PER1: variants seen among roughly 807,000 people sequenced by gnomAD.
The protein encoded by PER1 is period circadian regulator 1.
A neutral mutation model predicts 125.9 loss-of-function variants in PER1; 87 were observed. The ratio of observed to expected loss-of-function variants is 0.69; its 90% CI spans 0.58 to 0.83. The LOEUF (loss-of-function observed/expected upper bound fraction) is 0.83. PER1 is among the 40% of genes least tolerant of loss of function. The pLI is 0.00. For missense variants in PER1, 1,775 were observed against 1,722.8 expected, an observed-to-expected ratio of 1.03 and a Z score of -0.54; for synonymous variants, 801 against 714.7, an observed-to-expected ratio of 1.12 and a Z score of -1.93.
In PER1 at chr17:8,149,577, C is replaced by T. The variant is rs2304910; in HGVS notation, c.738G>A (p.Arg246=). 1.2e-6 allele frequency: 2 copies of T among 1,613,752 alleles called. No individual in the cohort carries two copies. The highest frequency in any genetic ancestry group is 1.7e-6 in the Non-Finnish European group (2 of 1,179,880). The change falls in exon 6 of 23, where the codon CGG becomes CGA. Residue 246 remains arginine (R), a synonymous_variant. Coordinates refer to ENST00000317276, the MANE Select transcript of PER1 (RefSeq NM_002616.3). ...AGAAGCGGGTACCCCGGAACACGTC[C>T]CGCTTGCAACGCAGCAGGACGGCTG... is the stretch of plus-strand genomic sequence containing the variant. ...EQAAVLLRCK[R]DVFRGTRFSE...
chr17:8,147,733 G>C lies in PER1; in HGVS notation c.1329C>G (p.Gly443=). Residue 443 remains glycine (G), a synonymous_variant, in exon 11 of 23, where the codon GGC becomes GGG. Transcript: ENST00000317276. ...CCTTGCGGCTCCAGGGGTGCACAAAGCCAGCCCAGCTGGTGTCCATGGTGA... is the reference window on the plus strand; with the variant it reads ...CCTTGCGGCTCCAGGGGTGCACAAACCCAGCCCAGCTGGTGTCCATGGTGA... ...EYVTMDTSWA[G]FVHPWSRKVA... 1 of 1,614,098 alleles carries C rather than the reference G, an allele frequency of 6.2e-7. No homozygotes were observed. Among genetic ancestry groups the C allele is most frequent in the Non-Finnish European group, 8.5e-7 (1 of 1,180,016 alleles).
Position 8,147,524 on chromosome 17 carries a change from G to A in PER1, c.1443C>T (p.Ser481=). 1 of 1,613,922 alleles carries A rather than the reference G, an allele frequency of 6.2e-7. No individual in the cohort carries two copies. Among genetic ancestry groups the A allele is most frequent in the Non-Finnish European group, 8.5e-7 (1 of 1,179,922 alleles). Residue 481 remains serine (S), a synonymous_variant, in exon 12 of 23, where the codon TCC becomes TCT. Coordinates refer to ENST00000317276, the MANE Select transcript of PER1 (RefSeq NM_002616.3). ...FTPPAPSPAP[S]LDTDIQELSE... ...ACAGCTCCTGGATATCAGTGTCCAG[G>A]GAGGGAGCTGGGCTGGGGGCCGGGG...
rs774378582 is a variant in PER1 at position 8,141,109 on chromosome 17, A to C, written c.3832T>G (p.Ser1278Ala). ...MEEEEEGRSS[S>A]SPALPTAGNC... ...CCTGCTGTAGGTAAGGCTGGACTGG[A>C]TGAGCTCCTGCCTTCTTCCTCCTCC... Residue 1278 changes from serine (S) to alanine (A), a missense_variant, in exon 23 of 23, where the codon TCC becomes GCC. Ser to Ala is a moderately conservative substitution (Grantham distance 99). Coordinates refer to ENST00000317276, the MANE Select transcript of PER1 (RefSeq NM_002616.3). 6.2e-7 allele frequency: 1 copy of C among 1,614,134 alleles called. No individual in the cohort carries two copies. The highest frequency in any genetic ancestry group is 8.5e-7 in the Non-Finnish European group (1 of 1,180,000).
chr17:8,141,987 TG>T, intron 21 of PER1, 32 bp from the exon 22 acceptor site: 1 of 1,612,376 alleles, frequency 6.2e-7, no homozygotes, highest in Non-Finnish European at 8.5e-7. Context: ...AGGCAGAGGC[TG>T]GGATCCAGGA....
At chr17:8,146,309 GA>G (rs2151860529) in intron 16 of PER1, 62 bp downstream of exon 16, 1 of 1,549,238 alleles carries the variant, frequency 6.5e-7, no homozygotes, top group Non-Finnish European at 8.7e-7. Context: ...AAGCAGAAGG[GA>G]AAAGACACAG....
chr17:8,145,135 T>G, intron 17 of PER1, 142 bp from the exon 18 acceptor site: 1 of 882,482 alleles, frequency 1.1e-6, no homozygotes, highest in African/African-American at 1.7e-5. Context: ...GTACGTTTCT[T>G]GGTCACCTCT....
Position 8,150,200 on chromosome 17 carries a change from C to G in PER1, c.374+19G>C, listed in dbSNP as rs1480639803. The G allele has an allele frequency of 1.3e-6, 2 of 1,593,342 alleles. No individual in the cohort carries two copies. Among genetic ancestry groups the G allele is most frequent in the African/African-American group, 2.7e-5 (2 of 74,680 alleles). ...TGGCCTGGGCCCCCAGACCTCTCCT[C>G]CAGCCTCACCCGACGTACCTGCAGC... On this transcript the variant is annotated intron_variant, in intron 3 of 22. Transcript: ENST00000317276.
At position 8,150,457 on chromosome 17, in the gene PER1, G is replaced by T; in HGVS notation, c.250C>A (p.Leu84Met). The change falls in exon 2 of 23, where the codon CTG becomes ATG. Residue 84 changes from leucine to methionine, a missense_variant. By Grantham distance (15) the Leu-to-Met change is conservative. Coordinates refer to ENST00000317276, the MANE Select transcript of PER1 (RefSeq NM_002616.3). The part of the protein sequence containing the change: ...SSGNGKDSAL[L>M]ETTESSKSTN... ...CTCTTGCTGCTCTCAGTGGTCTCCA[G>T]CAGGGCTGAGTCCTTGCCGTTGCCT... 1.2e-6 allele frequency: 2 copies of T among 1,613,262 alleles called. No homozygotes were observed. Among genetic ancestry groups the T allele is most frequent in the Non-Finnish European group, 1.7e-6 (2 of 1,179,556 alleles).
rs933927933 is a variant in PER1 at position 8,142,728 on chromosome 17, C to G, written c.3180G>C (p.Ser1060=). Residue 1060 remains serine, a synonymous_variant, in exon 20 of 23, where the codon TCG becomes TCC. Coordinates refer to ENST00000317276, the MANE Select transcript of PER1 (RefSeq NM_002616.3). ...AGCCCAAGCCAGAGCCCAAGGAGCC[C>G]GAGGCTGCGGAGCCTGTGCCGGAGC... ...DSRSGTGSAA[S]GSLGSGLGSG... 1.2e-6 allele frequency: 2 copies of G among 1,613,924 alleles called. No individual in the cohort carries two copies. The highest frequency in any genetic ancestry group is 1.1e-5 in the South Asian group (1 of 91,080).
In PER1 at chr17:8,146,813, G is replaced by GA. The variant is rs780164361; in HGVS notation, c.1736-49dup. 104 of 1,604,588 alleles carry GA rather than the reference G, an allele frequency of 6.5e-5. No homozygotes were observed. The Middle Eastern group carries it at 6.6e-4, about 10-fold the overall frequency. ...AAAATAGCCTTCTCAAGCTCACATG[G>GA]AAAAAAACAGCAAATGGGTTGGGGG... On this transcript the variant is annotated intron_variant, in intron 14 of 22. Transcript: ENST00000317276.
chr17:8,141,884 G>A lies in PER1; in HGVS notation c.3521C>T (p.Ser1174Phe), dbSNP rs1278277424. The change falls in exon 22 of 23, where the codon TCT (serine) becomes TTT (phenylalanine). Residue 1174 changes from serine (S) to phenylalanine (F), a missense_variant. Transcript: ENST00000317276. ...RAMQKQQPRF[S>F]EDQRRELGAV... ...ACCCAGTTCCCGCCGCTGGTCCTCA[G>A]AAAACCGAGGCTGCTGCTTCTGCAT... 1.2e-6 allele frequency: 2 copies of A among 1,614,182 alleles called. No individual in the cohort carries two copies. Among genetic ancestry groups the A allele is most frequent in the Non-Finnish European group, 8.5e-7 (1 of 1,180,044 alleles).
At chr17:8,151,086 A>G (rs1381327536) in intron 1 of PER1, among the ~76,000 whole-genome samples, 2 of 152,188 alleles carry the variant, frequency 1.3e-5, no homozygotes, top group Non-Finnish European at 1.5e-5. Flanking sequence ...CTGAGCAGTC[A>G]ATGAGAACCA....
rs775223905 is a variant in PER1, at chr17:8,150,492, C to T, written c.215G>A (p.Ser72Asn). Residue 72 changes from serine to asparagine, a missense_variant, in exon 2 of 23, where the codon AGC (serine) becomes AAC (asparagine). Coordinates refer to ENST00000317276, the MANE Select transcript of PER1 (RefSeq NM_002616.3). ...SRGASQRSSH[S>N]SSSGNGKDSA... is the part of the protein sequence containing the mutation. ...GTCCTTGCCGTTGCCTGAGGAGGAG[C>T]TGTGTGAGCTCCGCTGAGATGCGCC... 61 of 1,614,144 alleles carry T rather than the reference C, an allele frequency of 3.8e-5. No homozygotes were observed. Among genetic ancestry groups the T allele is most frequent in the Non-Finnish European group, 5.1e-5 (60 of 1,180,014 alleles).
At chr17:8,151,154 T>A (rs1467104153) in intron 1 of PER1, among the ~76,000 whole-genome samples, 1 of 152,214 alleles carries the variant, frequency 6.6e-6, no homozygotes, top group Non-Finnish European at 1.5e-5. Context: ...AGGTGTCCAC[T>A]CTGCCTGGGC....
Position 8,148,709 on chromosome 17 carries a change from G to A in PER1, c.983C>T (p.Ser328Leu), listed in dbSNP as rs1336375883. The A allele has an allele frequency of 2.5e-6, 4 of 1,613,722 alleles. No individual in the cohort carries two copies. The highest frequency in any genetic ancestry group is 1.7e-6 in the Non-Finnish European group (2 of 1,179,906). ...LTPYVTKIRV[S>L]DGAPAQPCCL... ...GCACGGCTGTGCAGGGGCCCCATCT[G>A]AGACCCGGATCTTGGTCACATACGG... Residue 328 changes from serine (S) to leucine (L), a missense_variant, in exon 8 of 23, where the codon TCA (serine) becomes TTA (leucine). Physicochemically the swap from Ser to Leu is moderately radical, Grantham distance 145. Coordinates refer to ENST00000317276, the MANE Select transcript of PER1 (RefSeq NM_002616.3).
chr17:8,145,470 C>T (rs967453071), intron 17 of PER1, among the ~76,000 whole-genome samples: 3 of 151,894 alleles, frequency 2.0e-5, no homozygotes, highest in African/African-American at 4.8e-5. Context: ...ACTACAGGCG[C>T]GCGCCACCAC....
At position 8,146,879 on chromosome 17, in the gene PER1, ACAT is replaced by A. The variant is rs889985961; in HGVS notation, c.1735+15_1735+17del. 51 of 1,611,870 alleles carry A rather than the reference ACAT, an allele frequency of 3.2e-5. No individual in the cohort carries two copies. Among genetic ancestry groups the A allele is most frequent in the Non-Finnish European group, 3.7e-5 (44 of 1,178,512 alleles). On this transcript the variant is annotated intron_variant, in intron 14 of 22. Transcript: ENST00000317276. Reference sequence around the variant, plus strand: ...CCCCCAGGTCTGTCTCTTCACCCACACATCATCATCAACTCACCAGGGAGGCGG... The same window carrying A: ...CCCCCAGGTCTGTCTCTTCACCCACACATCATCAACTCACCAGGGAGGCGG...
rs1436157983 is a variant in PER1 at position 8,150,435 on chromosome 17, T to C, written c.272A>G (p.Lys91Arg). The C allele has an allele frequency of 8.7e-6, 14 of 1,609,912 alleles. No homozygotes were observed. The highest frequency in any genetic ancestry group is 3.3e-5 in the South Asian group (3 of 90,782). Residue 91 changes from lysine (K) to arginine (R), a missense_variant, in exon 2 of 23, where the codon AAG becomes AGG. Transcript: ENST00000317276. ...SALLETTESS[K>R]STNSQSPSPP... Reference sequence around the variant, plus strand: ...CAACATACACATCCATACACACCTCTTGCTGCTCTCAGTGGTCTCCAGCAG... The same window carrying C: ...CAACATACACATCCATACACACCTCCTGCTGCTCTCAGTGGTCTCCAGCAG...
intron 2 of PER1, 54 bp from the exon 3 acceptor site, chr17:8,150,371 T>A: frequency 6.4e-7 from 1 of 1,557,656 alleles, no homozygotes; most frequent in East Asian, 2.3e-5. Context: ...GCGAGGCCTG[T>A]CACCCAGCTC....
Sources: allele counts gnomAD v4.1 joint callset (sites outside exome capture counted in the v4.1 genomes callset), GRCh38; gene constraint gnomAD v4.1.1; transcripts MANE v1.5; gene names NCBI Gene and HGNC (gene_info 2026-07-23, HGNC 2026-07-21).